ARHGAP24: variants seen among roughly 807,000 people sequenced by gnomAD.
ARHGAP24 encodes rho GTPase-activating protein 24.
ARHGAP24 carries 50 observed loss-of-function variants against 76.4 expected under a neutral mutation model. That is an observed-to-expected ratio of 0.65 (90% CI 0.52 to 0.83). The LOEUF (loss-of-function observed/expected upper bound fraction) is 0.83, where lower values mean the gene tolerates loss of function less well. ARHGAP24 is among the 40% of genes least tolerant of loss of function. The pLI, the probability that ARHGAP24 is intolerant of heterozygous loss-of-function variation, is 0.00. For missense variants in ARHGAP24, 930 were observed against 914.2 expected (o/e 1.02, Z -0.22); for synonymous variants, 345 against 323.3 (o/e 1.07, Z -0.72).
intron 2 of ARHGAP24, among the ~76,000 whole-genome samples, chr4:85,675,098 C>T (rs116783440): frequency 6.6e-6 from 1 of 152,236 alleles, no homozygotes; most frequent in African/African-American, 2.4e-5. Context: ...GAGGAAAAAA[C>T]AAGCAAGTAA....
intron 9 of ARHGAP24, among the ~76,000 whole-genome samples, chr4:85,998,770 C>T (rs1477180177): frequency 1.3e-5 from 2 of 152,082 alleles, no homozygotes; most frequent in African/African-American, 4.8e-5. Flanking sequence ...GTAGTCTCTT[C>T]TTCATAAAAA....
chr4:85,732,797 G>A (rs190282571), intron 3 of ARHGAP24, among the ~76,000 whole-genome samples: 1,498 of 149,292 alleles, frequency 0.01, 25 homozygotes, highest in African/African-American at 0.034. Flanking sequence ...GGGTTCAAGC[G>A]ATTCTCCTAC....
intron 5 of ARHGAP24, among the ~76,000 whole-genome samples, chr4:85,953,378 A>G (rs1737727087): frequency 1.3e-5 from 2 of 152,222 alleles, no homozygotes; most frequent in Admixed American, 6.5e-5. Flanking sequence ...CCTAAAATTT[A>G]GGAGACAGAA....
At chr4:85,620,804 G>A (rs1039233276) in intron 2 of ARHGAP24, among the ~76,000 whole-genome samples, 7 of 151,782 alleles carry the variant, frequency 4.6e-5, no homozygotes, top group Admixed American at 3.9e-4. Flanking sequence ...TTAGATTCAA[G>A]GGGTACATAT....
At chr4:85,722,023 A>G (rs745658216) in intron 3 of ARHGAP24, 51 bp downstream of exon 3, 1 of 1,509,784 alleles carries the variant, frequency 6.6e-7, no homozygotes, top group Admixed American at 1.7e-5. Flanking sequence ...GTGTTGGTAA[A>G]GGTGAAGATG....
chr4:85,824,922 T>C (rs1312270251), intron 3 of ARHGAP24, among the ~76,000 whole-genome samples: 1 of 152,074 alleles, frequency 6.6e-6, no homozygotes, highest in Non-Finnish European at 1.5e-5. Context: ...AAACCCTGTC[T>C]CTACTAAAAA....
At chr4:85,520,640 T>A (rs1324695222) in intron 1 of ARHGAP24, among the ~76,000 whole-genome samples, 1 of 152,188 alleles carries the variant, frequency 6.6e-6, no homozygotes, top group Non-Finnish European at 1.5e-5. Context: ...TTCTTGAACC[T>A]GTAATTTATT....
At chr4:85,735,840 A>G (rs189521779) in intron 3 of ARHGAP24, among the ~76,000 whole-genome samples, 44 of 152,326 alleles carry the variant, frequency 2.9e-4, no homozygotes, top group African/African-American at 8.7e-4. Context: ...AAAAGTACAT[A>G]GAGCTCCCAT....
chr4:85,742,947 G>A (rs75872081), intron 3 of ARHGAP24, among the ~76,000 whole-genome samples: 2,087 of 152,222 alleles, frequency 0.014, 39 homozygotes, highest in African/African-American at 0.047. Context: ...CCTAAATTAT[G>A]TAAAATGTTA....
chr4:85,608,383 G>A (rs918634062), intron 2 of ARHGAP24, among the ~76,000 whole-genome samples: 1 of 151,988 alleles, frequency 6.6e-6, no homozygotes, highest in Non-Finnish European at 1.5e-5. Flanking sequence ...TTTCCATGCT[G>A]ACCACTACTT....
intron 2 of ARHGAP24, among the ~76,000 whole-genome samples, chr4:85,708,185 A>G (rs1724390966): frequency 6.6e-6 from 1 of 152,130 alleles, no homozygotes; most frequent in African/African-American, 2.4e-5. Flanking sequence ...ATTTGTGATC[A>G]CTTTTCAATA....
intron 6 of ARHGAP24, 109 bp downstream of exon 6, chr4:85,972,277 C>A: frequency 6.9e-7 from 1 of 1,440,858 alleles, no homozygotes; most frequent in Non-Finnish European, 9.5e-7. Context: ...TTACTCTCCA[C>A]TATCCTTTGA....
intron 2 of ARHGAP24, among the ~76,000 whole-genome samples, chr4:85,691,235 T>G (rs2101135): frequency 7.2e-5 from 11 of 151,972 alleles, no homozygotes; most frequent in African/African-American, 2.7e-4. Flanking sequence ...TGATTTTTTT[T>G]AAAATGTATT....
chr4:85,803,322 A>G (rs1342226859), intron 3 of ARHGAP24, among the ~76,000 whole-genome samples: 2 of 152,224 alleles, frequency 1.3e-5, no homozygotes, highest in African/African-American at 4.8e-5. Flanking sequence ...TAGAAAATAC[A>G]TTGCTGTAGA....
intron 2 of ARHGAP24, among the ~76,000 whole-genome samples, chr4:85,695,293 A>T (rs757407139): frequency 7.9e-5 from 12 of 152,222 alleles, no homozygotes; most frequent in Non-Finnish European, 8.8e-5. Context: ...ACCATGGTTC[A>T]TATTCTCCTA....
intron 2 of ARHGAP24, among the ~76,000 whole-genome samples, chr4:85,578,037 T>C (rs1727457504): frequency 1.3e-5 from 2 of 152,188 alleles, no homozygotes; most frequent in Non-Finnish European, 2.9e-5. Flanking sequence ...TTTCCCTGCC[T>C]TTATATGCCC....
At chr4:85,827,110 A>G (rs1729747970) in intron 3 of ARHGAP24, among the ~76,000 whole-genome samples, 1 of 152,148 alleles carries the variant, frequency 6.6e-6, no homozygotes, top group Non-Finnish European at 1.5e-5. Context: ...CTTCTTGAAG[A>G]CCCCCAAAAT....
At chr4:85,799,057 T>A (rs1269928485) in intron 3 of ARHGAP24, among the ~76,000 whole-genome samples, 1 of 152,200 alleles carries the variant, frequency 6.6e-6, no homozygotes, top group Admixed American at 6.5e-5. Context: ...AATAATTTTT[T>A]AAAATATATG....
intron 4 of ARHGAP24, among the ~76,000 whole-genome samples, chr4:85,927,800 G>T (rs62305508): frequency 0.11 from 16,392 of 152,132 alleles, 944 homozygotes; most frequent in South Asian, 0.16. Flanking sequence ...ATGAGGCACT[G>T]AAGCTTATCT....
Sources: allele counts gnomAD v4.1 joint callset (sites outside exome capture counted in the v4.1 genomes callset), GRCh38; gene constraint gnomAD v4.1.1; transcripts MANE v1.5; gene names NCBI Gene and HGNC (gene_info 2026-07-23, HGNC 2026-07-21).